Variants in CRAMP1 observed in about 807,000 individuals in gnomAD.
CRAMP1 encodes cramped chromatin regulator 1, also known as protein cramped-like.
A neutral mutation model predicts 115.4 loss-of-function variants in CRAMP1; 50 were observed. The observed-to-expected ratio is 0.43, with a 90% confidence interval of 0.35 to 0.55. The LOEUF (loss-of-function observed/expected upper bound fraction) is 0.55, where lower values mean the gene tolerates loss of function less well. Among genes scored for constraint, CRAMP1 ranks in the 20% least tolerant of loss-of-function variants. CRAMP1 has a pLI of 0.01. For missense variants in CRAMP1, 1,679 were observed against 1,721.7 expected, an observed-to-expected ratio of 0.98 and a Z score of 0.44; for synonymous variants, 866 against 745.4, an observed-to-expected ratio of 1.16 and a Z score of -2.64.
Position 1,666,919 on chromosome 16 carries a change from T to C in CRAMP1, c.3036+319T>C, listed in dbSNP as rs566116319. 3.9e-5 allele frequency among the ~76,000 whole-genome samples: 6 copies of C among 152,352 alleles called. No individual in the cohort carries two copies. The highest frequency in any genetic ancestry group is 2.6e-4 in the Admixed American group (4 of 15,312). On this transcript the variant is annotated intron_variant, in intron 16 of 20. Transcript: ENST00000397412. The surrounding 1 kb of genome is among the most constrained non-coding windows in gnomAD (Gnocchi z 5.0). ...CGCTGTGCTCGGACACCACTGAGCATCTCTTTCATCTGGGAAGAGAGCAGC... is the reference window on the plus strand; with the variant it reads ...CGCTGTGCTCGGACACCACTGAGCACCTCTTTCATCTGGGAAGAGAGCAGC...
At chr16:1,648,469 G>T (rs1325656950) in intron 6 of CRAMP1, among the ~76,000 whole-genome samples, 1 of 152,108 alleles carries the variant, frequency 6.6e-6, no homozygotes, top group East Asian at 1.9e-4. Flanking sequence ...GCCAGGGGTG[G>T]TGGTGGGCGC....
Position 1,665,085 on chromosome 16 carries a change from A to T in CRAMP1, c.2699A>T (p.Asn900Ile). The change falls in exon 14 of 21, where the codon AAC becomes ATC. Residue 900 changes from asparagine (N) to isoleucine (I), a missense_variant. By Grantham distance (149) the Asn-to-Ile change is moderately radical. Transcript: ENST00000397412. The part of the protein sequence containing the change: ...QRTLLPRPSE[N>I]QSHNVCSFSI... ...ACACTGCTCCCTAGACCATCGGAAAACCAGTCCCACAACGTTTGTTCCTTC... is the reference window on the plus strand; with the variant it reads ...ACACTGCTCCCTAGACCATCGGAAATCCAGTCCCACAACGTTTGTTCCTTC... 4 of 1,613,176 alleles carry T rather than the reference A, an allele frequency of 2.5e-6. No individual in the cohort carries two copies. Among genetic ancestry groups the T allele is most frequent in the Non-Finnish European group, 3.4e-6 (4 of 1,179,238 alleles).
At chr16:1,633,600 C>T (rs926366114) in intron 4 of CRAMP1, among the ~76,000 whole-genome samples, 3 of 152,210 alleles carry the variant, frequency 2.0e-5, no homozygotes, top group Non-Finnish European at 2.9e-5. Context: ...ATGTTCAGCT[C>T]ACTTGTTTAT....
chr16:1,620,844 C>G (rs1567446703), intron 2 of CRAMP1, among the ~76,000 whole-genome samples: 1 of 152,150 alleles, frequency 6.6e-6, no homozygotes, highest in Non-Finnish European at 1.5e-5. Context: ...TGGGAAACGC[C>G]TGGGTTTGGA....
rs2036813669 is a variant in CRAMP1 at position 1,660,009 on chromosome 16, G to C, written c.2359G>C (p.Ala787Pro). 1 of 1,602,994 alleles carries C rather than the reference G, an allele frequency of 6.2e-7. No homozygotes were observed. The highest frequency in any genetic ancestry group is 1.3e-5 in the African/African-American group (1 of 75,036). ...CAGCCCCCGCTGCCCTCGGAACCAG[G>C]CCTCCCTCCGCAGCAGCAAGACCTT... ...SRSPRCPRNQ[A>P]SLRSSKTFPP... Residue 787 changes from alanine to proline, a missense_variant, in exon 11 of 21, where the codon GCC becomes CCC. Transcript: ENST00000397412.
In CRAMP1 at chr16:1,650,386, G is replaced by C. The variant is rs1447035376; in HGVS notation, c.828-2110G>C. 2.6e-5 allele frequency among the ~76,000 whole-genome samples: 4 copies of C among 152,180 alleles called. No homozygotes were observed. In the South Asian group the frequency reaches 8.3e-4, roughly 31 times the overall value. ...CACGCAGCACTCGCTTCAGACTCTT[G>C]TTCACATTTTGATCTCTAATTTTGG... On this transcript the variant is annotated intron_variant, in intron 6 of 20. Coordinates refer to ENST00000397412, the MANE Select transcript of CRAMP1 (RefSeq NM_020825.4).
At chr16:1,642,062 G>A (rs2036637077) in intron 6 of CRAMP1, among the ~76,000 whole-genome samples, 1 of 152,182 alleles carries the variant, frequency 6.6e-6, no homozygotes, top group African/African-American at 2.4e-5. Context: ...CGGCAGCCTG[G>A]CTGACTGCTC....
chr16:1,630,644 C>T (rs565363654), intron 3 of CRAMP1, among the ~76,000 whole-genome samples: 1 of 152,352 alleles, frequency 6.6e-6, no homozygotes, highest in East Asian at 1.9e-4. Context: ...CCATCCTGGC[C>T]AGGACGCTGC....
chr16:1,641,245 T>C, intron 6 of CRAMP1, 58 bp downstream of exon 6: 1 of 1,262,368 alleles, frequency 7.9e-7, no homozygotes. Flanking sequence ...GTTTATTCTC[T>C]AAAATACAGA....
At position 1,615,664 on chromosome 16, in the gene CRAMP1, C is replaced by T. The variant is rs41509448; in HGVS notation, c.346+679C>T. On this transcript the variant is annotated intron_variant, in intron 2 of 20. Coordinates refer to ENST00000397412, the MANE Select transcript of CRAMP1 (RefSeq NM_020825.4). ...GTTGCTACTTAGCTGGGGTCTCTTA[C>T]CAAGATAGTAAGAAAACGGCATGTT... Among the ~76,000 whole-genome samples the T allele has an allele frequency of 8.6e-3, 1,312 of 152,324 alleles. 12 individuals carry two copies. Among genetic ancestry groups the T allele is most frequent in the Non-Finnish European group, 0.013 (902 of 68,024 alleles).
intron 11 of CRAMP1, among the ~76,000 whole-genome samples, chr16:1,662,268 C>T (rs1228286241): frequency 6.6e-6 from 1 of 152,196 alleles, no homozygotes; most frequent in Admixed American, 6.5e-5. Context: ...TTTGTCCTAT[C>T]CAGGAGACCA....
rs751286575 is a variant in CRAMP1, at chr16:1,656,440, G to T, written c.1683G>T (p.Leu561Phe). The change falls in exon 10 of 21, where the codon TTG becomes TTT. Residue 561 changes from leucine (L) to phenylalanine (F), a missense_variant. Coordinates refer to ENST00000397412, the MANE Select transcript of CRAMP1 (RefSeq NM_020825.4). The surrounding 1 kb of genome is among the most constrained non-coding windows in gnomAD (Gnocchi z 5.6). ...ACGAGCTCTCGCTTCTAGACCCCTT[G>T]CCCCGCTACCTAAAGTCCTGTCAGG... ...LEDELSLLDP[L>F]PRYLKSCQDL... The T allele has an allele frequency of 6.3e-7, 1 of 1,584,892 alleles. No homozygotes were observed. The highest frequency in any genetic ancestry group is 1.8e-5 in the Admixed American group (1 of 56,034).
At chr16:1,648,185 G>A (rs538675693) in intron 6 of CRAMP1, among the ~76,000 whole-genome samples, 2 of 152,214 alleles carry the variant, frequency 1.3e-5, no homozygotes, top group South Asian at 4.1e-4. Context: ...AAACACAGGT[G>A]CCACATGACA....
Position 1,669,283 on chromosome 16 carries a change from C to T in CRAMP1, c.3499+118C>T. ...ACTAGGACTGTTGGCTTGTTCGCTT[C>T]TCAAGTGTTTGTATTTTTCTGAGTT... On this transcript the variant is annotated intron_variant, in intron 19 of 20. Transcript: ENST00000397412. The surrounding 1 kb of genome is among the most constrained non-coding windows in gnomAD (Gnocchi z 4.6). 1 of 769,234 alleles carries T rather than the reference C, an allele frequency of 1.3e-6. No homozygotes were observed. Among genetic ancestry groups the T allele is most frequent in the Non-Finnish European group, 2.0e-6 (1 of 507,994 alleles). The allele number at this position is 769,234 out of a possible 1,614,324, so 47.7% of individuals were successfully genotyped here. A position where few individuals can be genotyped will look rare whatever the true frequency, so the allele number is the denominator to read the frequency against.
chr16:1,651,074 G>T (rs2036718205), intron 6 of CRAMP1, among the ~76,000 whole-genome samples: 1 of 152,066 alleles, frequency 6.6e-6, no homozygotes, highest in South Asian at 2.1e-4. Flanking sequence ...AGGTCACGGA[G>T]AAGTGGACTG....
In CRAMP1 at chr16:1,614,700, C is replaced by A; in HGVS notation, c.61C>A (p.Arg21=). 1 of 1,331,472 alleles carries A rather than the reference C, an allele frequency of 7.5e-7. No individual in the cohort carries two copies. Among genetic ancestry groups the A allele is most frequent in the South Asian group, 2.2e-5 (1 of 46,408 alleles). The allele number at this position is 1,331,472 out of a possible 1,614,324, so 82.5% of individuals were successfully genotyped here. A position where few individuals can be genotyped will look rare whatever the true frequency, so the allele number is the denominator to read the frequency against. ...GEDGLKKLGK[R]AADEESLEGE... ...GGACGGGCTCAAGAAGCTGGGCAAG[C>A]GGGCGGCCGATGAGGAGTCCCTGGA... The change falls in exon 2 of 21, where the codon CGG becomes AGG. Residue 21 remains arginine (R), a synonymous_variant. Coordinates refer to ENST00000397412, the MANE Select transcript of CRAMP1 (RefSeq NM_020825.4). This position sits in a 1 kb window ranked among gnomAD's most constrained non-coding sequence, Gnocchi z 4.4.
Position 1,670,737 on chromosome 16 carries a change from G to C in CRAMP1, c.3573G>C (p.Leu1191Phe). 1 of 1,614,028 alleles carries C rather than the reference G, an allele frequency of 6.2e-7. No homozygotes were observed. The highest frequency in any genetic ancestry group is 8.5e-7 in the Non-Finnish European group (1 of 1,179,884). ...TTGGGACCAACAGTGGCACTTCCTT[G>C]CTTGGCCCCAGCTTGTTGGATGGAA... is the stretch of plus-strand genomic sequence containing the variant. ...TPIGTNSGTS[L>F]LGPSLLDGNS... Residue 1191 changes from leucine (L) to phenylalanine (F), a missense_variant, in exon 20 of 21, where the codon TTG becomes TTC. Leu to Phe is a conservative substitution (Grantham distance 22). Transcript: ENST00000397412.
chr16:1,656,761 G>A lies in CRAMP1; in HGVS notation c.2004G>A (p.Arg668=). 6.5e-7 allele frequency: 1 copy of A among 1,548,010 alleles called. No individual in the cohort carries two copies. The highest frequency in any genetic ancestry group is 8.7e-7 in the Non-Finnish European group (1 of 1,145,198). ...CCCCGAAGGAGGTCCCCGCCAGCCG[G>A]CTGGCTCAGCAGCTCCGTGAGGAGG... The part of the protein sequence containing the change: ...ARPPKEVPAS[R]LAQQLREEGW... Residue 668 remains arginine, a synonymous_variant, in exon 10 of 21, where the codon CGG becomes CGA. Transcript: ENST00000397412. The surrounding 1 kb of genome is among the most constrained non-coding windows in gnomAD (Gnocchi z 5.6).
In CRAMP1 at chr16:1,668,044, G is replaced by A. The variant is rs1269986707; in HGVS notation, c.3185G>A (p.Ser1062Asn). Residue 1062 changes from serine to asparagine, a missense_variant, in exon 18 of 21, where the codon AGC becomes AAC. Transcript: ENST00000397412. ...GLSIPLSSSE[S>N]SSTRLSPPDV... The stretch of plus-strand genomic sequence containing the variant: ...TCCATACCGCTGTCCTCGTCAGAGA[G>A]CTCCAGCACCCGGCTGTCTCCACCA... 3.0e-5 allele frequency: 49 copies of A among 1,613,778 alleles called. 1 individual carries two copies. The highest frequency in any genetic ancestry group is 3.8e-5 in the Non-Finnish European group (45 of 1,179,888).
Sources: allele counts gnomAD v4.1 joint callset (sites outside exome capture counted in the v4.1 genomes callset), GRCh38; gene constraint gnomAD v4.1.1; non-coding constraint Gnocchi (gnomAD v3.1); transcripts MANE v1.5; gene names NCBI Gene and HGNC (gene_info 2026-07-23, HGNC 2026-07-21).